Variants in FBXL4 observed in about 807,000 individuals in gnomAD.
The protein encoded by FBXL4 is F-box/LRR-repeat protein 4.
Under a neutral mutation model 58.9 loss-of-function variants are expected in FBXL4, and 40 were observed. That is an observed-to-expected ratio of 0.68 (90% CI 0.53 to 0.88). The LOEUF (loss-of-function observed/expected upper bound fraction) is 0.88, where lower values mean the gene tolerates loss of function less well. Among genes scored for constraint, FBXL4 ranks in the 40% least tolerant of loss-of-function variants. The probability of loss-of-function intolerance (pLI) is 0.00; values close to 1 mark genes in which losing one functional copy is unlikely to be tolerated. For synonymous variants in FBXL4, 263 were observed against 265.5 expected (o/e 0.99, Z 0.09); for missense variants, 676 against 734.4 (o/e 0.92, Z 0.92).
chr6:98,895,306 T>C (rs1771372854), intron 7 of FBXL4, among the ~76,000 whole-genome samples: 1 of 152,238 alleles, frequency 6.6e-6, no homozygotes. Context: ...AGCTTGTTCA[T>C]AGTAAAAAGA....
intron 5 of FBXL4, among the ~76,000 whole-genome samples, chr6:98,914,968 A>G (rs1293421643): frequency 4.6e-5 from 7 of 152,238 alleles, no homozygotes; most frequent in Admixed American, 4.6e-4. Context: ...AACTTCAGCA[A>G]AGTCTCAGGA....
At chr6:98,936,671 A>G (rs1773230636) in intron 1 of FBXL4, among the ~76,000 whole-genome samples, 1 of 152,204 alleles carries the variant, frequency 6.6e-6, no homozygotes, top group Admixed American at 6.5e-5. Flanking sequence ...AATACAGTAT[A>G]CAATACATAT....
In FBXL4 at chr6:98,905,460, T is replaced by C. The variant is rs199540184; in HGVS notation, c.1069A>G (p.Asn357Asp). Residue 357 changes from asparagine to aspartate, a missense_variant, in exon 6 of 10, where the codon AAT becomes GAT. Transcript: ENST00000369244. ...CCTGCAACAGAGATGAAGCCTCTAT[T>C]GCCAGTCCAAGATAAATTAAGCCAC... The part of the protein sequence containing the change: ...VQWLNLSWTG[N>D]RGFISVAGFS... The C allele has an allele frequency of 8.1e-6, 13 of 1,614,054 alleles. No individual in the cohort carries two copies. In the Admixed American group the frequency reaches 2.0e-4, roughly 25 times the overall value.
intron 2 of FBXL4, among the ~76,000 whole-genome samples, chr6:98,930,765 T>A (rs2128407948): frequency 6.6e-6 from 1 of 152,292 alleles, no homozygotes; most frequent in Admixed American, 6.5e-5. Context: ...CAGACAACTT[T>A]TTGCCATTCA....
chr6:98,870,216 T>C lies in FBXL4; in HGVS notation c.*4062A>G, dbSNP rs1035586624. 5 of 152,180 alleles carry C rather than the reference T, an allele frequency of 3.3e-5. No homozygotes were observed. The highest frequency in any genetic ancestry group is 1.2e-4 in the African/African-American group (5 of 41,458). 9.4% of individuals were successfully genotyped at this position (152,180 alleles called of 1,614,324 possible). ...ACAGGTTTGAATGTGGTTTATAAAA[T>C]TAGGAATGGGCAAACATGGATTAAC... On this transcript the variant is annotated 3_prime_UTR_variant, in exon 10 of 10. Transcript: ENST00000369244.
chr6:98,929,843 A>G (rs1270017072), intron 2 of FBXL4, among the ~76,000 whole-genome samples: 1 of 152,198 alleles, frequency 6.6e-6, no homozygotes, highest in African/African-American at 2.4e-5. Context: ...AAACCCAAGT[A>G]GGCATGACAT....
intron 1 of FBXL4, among the ~76,000 whole-genome samples, chr6:98,944,751 C>T (rs1039318828): frequency 2.6e-5 from 4 of 152,152 alleles, no homozygotes; most frequent in African/African-American, 9.7e-5. Flanking sequence ...GATCAGACAG[C>T]TTTATTTGCA....
rs963126831 is a variant in FBXL4 at position 98,927,770 on chromosome 6, G to A, written c.-138C>T. ...AAGTTGGCATTCATCCAGGTACCCT[G>A]AACTTTGCATGCTGACTTCAGGTAC... On this transcript the variant is annotated 5_prime_UTR_variant, in exon 3 of 10. Transcript: ENST00000369244. The A allele has an allele frequency of 6.6e-6, 1 of 152,176 alleles. No individual in the cohort carries two copies. Among genetic ancestry groups the A allele is most frequent in the African/African-American group, 2.4e-5 (1 of 41,430 alleles). 9.4% of individuals were successfully genotyped at this position (152,176 alleles called of 1,614,324 possible). A position where few individuals can be genotyped will look rare whatever the true frequency, so the allele number is the denominator to read the frequency against.
chr6:98,890,144 C>T (rs1478297500), intron 7 of FBXL4, among the ~76,000 whole-genome samples: 1 of 151,992 alleles, frequency 6.6e-6, no homozygotes, highest in African/African-American at 2.4e-5. Context: ...TAGTTTATGA[C>T]TTTTTTTGCT....
intron 7 of FBXL4, among the ~76,000 whole-genome samples, chr6:98,897,570 G>T (rs951775302): frequency 6.6e-5 from 10 of 152,080 alleles, no homozygotes; most frequent in African/African-American, 2.4e-4. Flanking sequence ...TAATTCATTC[G>T]GTGTTGCTAT....
chr6:98,887,537 T>A (rs779236723), intron 7 of FBXL4, among the ~76,000 whole-genome samples: 2 of 152,192 alleles, frequency 1.3e-5, no homozygotes, highest in Non-Finnish European at 2.9e-5. Context: ...AGAAGAGGAA[T>A]TCACAGCAAA....
chr6:98,889,432 T>C (rs1771147353), intron 7 of FBXL4, among the ~76,000 whole-genome samples: 1 of 151,978 alleles, frequency 6.6e-6, no homozygotes, highest in Non-Finnish European at 1.5e-5. Flanking sequence ...ATGATTTCAC[T>C]GCACTTTGGG....
intron 7 of FBXL4, chr6:98,898,764 C>G (rs1007416051): frequency 4.1e-6 from 4 of 985,052 alleles, no homozygotes; most frequent in South Asian, 9.4e-5. Flanking sequence ...AATATATGCA[C>G]TGACCCTGGA....
Position 98,869,827 on chromosome 6 carries a change from A to G in FBXL4, c.*4451T>C, listed in dbSNP as rs775385651. 4.6e-5 allele frequency: 7 copies of G among 152,232 alleles called. No homozygotes were observed. The highest frequency in any genetic ancestry group is 8.8e-5 in the Non-Finnish European group (6 of 68,042). The allele number at this position is 152,232 out of a possible 1,614,324, so 9.4% of individuals were successfully genotyped here. Reference sequence around the variant, plus strand: ...TTTCTCTGCTACATATTGGCTCAAAAGTAAGCACCTGAATATTAATTGTCT... The same window carrying G: ...TTTCTCTGCTACATATTGGCTCAAAGGTAAGCACCTGAATATTAATTGTCT... On this transcript the variant is annotated 3_prime_UTR_variant, in exon 10 of 10. Transcript: ENST00000369244.
intron 7 of FBXL4, among the ~76,000 whole-genome samples, chr6:98,896,331 G>T (rs1483310981): frequency 6.6e-6 from 1 of 152,158 alleles, no homozygotes; most frequent in African/African-American, 2.4e-5. Flanking sequence ...CAATGGAGGT[G>T]TTTACAGATT....
At chr6:98,932,573 A>C (rs1773053016) in intron 2 of FBXL4, among the ~76,000 whole-genome samples, 1 of 152,232 alleles carries the variant, frequency 6.6e-6, no homozygotes, top group South Asian at 2.1e-4. Context: ...GGAATCGATG[A>C]GGCGGAGAGA....
rs563215543 is a variant in FBXL4 at position 98,912,952 on chromosome 6, C to A, written c.858+4422G>T. The stretch of plus-strand genomic sequence containing the variant: ...AACCCATCTCACGTGCAGAGACACA[C>A]ATAGGCTCAAAATAAAAGGATGGAG... On this transcript the variant is annotated intron_variant, in intron 5 of 9. Transcript: ENST00000369244. Among the ~76,000 whole-genome samples the A allele has an allele frequency of 2.2e-4, 34 of 151,890 alleles. No individual in the cohort carries two copies. In the East Asian group the frequency reaches 6.0e-3, roughly 27 times the overall value.
At chr6:98,892,545 G>A (rs1215594457) in intron 7 of FBXL4, among the ~76,000 whole-genome samples, 2 of 152,032 alleles carry the variant, frequency 1.3e-5, no homozygotes, top group African/African-American at 2.4e-5. Context: ...CACCATATAC[G>A]CATGTCAGAA....
intron 5 of FBXL4, among the ~76,000 whole-genome samples, chr6:98,906,992 T>C (rs534648465): frequency 6.6e-6 from 1 of 152,378 alleles, no homozygotes; most frequent in South Asian, 2.1e-4. Flanking sequence ...TCTGTTCATA[T>C]TCTTTGCCCA....
Sources: allele counts gnomAD v4.1 joint callset (sites outside exome capture counted in the v4.1 genomes callset), GRCh38; gene constraint gnomAD v4.1.1; transcripts MANE v1.5; gene names NCBI Gene and HGNC (gene_info 2026-07-23, HGNC 2026-07-21).